CACNB2: variants seen among roughly 807,000 people sequenced by gnomAD.
CACNB2 encodes the protein calcium voltage-gated channel auxiliary subunit beta 2.
In CACNB2, 42 loss-of-function variants were observed where a neutral mutation model predicts 73.3. The ratio of observed to expected loss-of-function variants is 0.57; its 90% confidence interval spans 0.45 to 0.74. The LOEUF (loss-of-function observed/expected upper bound fraction) is 0.74. Among genes scored for constraint, CACNB2 ranks in the 30% least tolerant of loss-of-function variants. The pLI is 0.00. For missense variants in CACNB2, 940 were observed against 853.0 expected (o/e 1.10, Z -1.27); for synonymous variants, 348 against 310.3 (o/e 1.12, Z -1.28).
At chr10:18,511,977 G>C (rs749573012) in intron 6 of CACNB2, among the ~76,000 whole-genome samples, 7 of 152,134 alleles carry the variant, frequency 4.6e-5, no homozygotes, top group African/African-American at 1.4e-4. Context: ...TTAAAAATAA[G>C]AGCCTTGAAG....
At chr10:18,445,162 A>AT (rs1019325422) in intron 3 of CACNB2, among the ~76,000 whole-genome samples, 57 of 152,074 alleles carry the variant, frequency 3.7e-4, no homozygotes, top group African/African-American at 8.7e-4. Context: ...TTATTCTGTT[A>AT]TTTTTTCAGT....
At chr10:18,241,577 G>C (rs1321403027) in intron 2 of CACNB2, among the ~76,000 whole-genome samples, 1 of 150,684 alleles carries the variant, frequency 6.6e-6, no homozygotes, top group Non-Finnish European at 1.5e-5. Context: ...AGAACTTGAA[G>C]TATATTAAAA....
intron 3 of CACNB2, among the ~76,000 whole-genome samples, chr10:18,417,181 G>A (rs1346050743): frequency 2.8e-5 from 3 of 107,268 alleles, no homozygotes; most frequent in Non-Finnish European, 5.5e-5. Flanking sequence ...GATTTTAAAA[G>A]TATAAACATC....
At chr10:18,532,977 A>G (rs1319178239) in intron 10 of CACNB2, 1 of 152,144 alleles carries the variant, frequency 6.6e-6, no homozygotes, top group Non-Finnish European at 1.5e-5. Context: ...CTAGGTAAAA[A>G]AAAAAGGACT....
At chr10:18,531,390 G>A (rs187758961) in intron 10 of CACNB2, among the ~76,000 whole-genome samples, 51 of 152,094 alleles carry the variant, frequency 3.4e-4, no homozygotes, top group African/African-American at 1.2e-3. Flanking sequence ...TATGTACCTT[G>A]TTTTCTTTAT....
At chr10:18,488,010 T>C (rs536409117) in intron 3 of CACNB2, among the ~76,000 whole-genome samples, 3 of 150,962 alleles carry the variant, frequency 2.0e-5, no homozygotes, top group African/African-American at 7.3e-5. Flanking sequence ...GGTTTCACCA[T>C]GTTGCACTGG....
intron 10 of CACNB2, among the ~76,000 whole-genome samples, chr10:18,530,515 A>C (rs1195149326): frequency 1.5e-5 from 1 of 66,196 alleles, no homozygotes. Flanking sequence ...CAAAAATGCA[A>C]AAAAAAAAAA....
chr10:18,470,469 G>A (rs1024785982), intron 3 of CACNB2, among the ~76,000 whole-genome samples: 1 of 150,254 alleles, frequency 6.7e-6, no homozygotes, highest in African/African-American at 2.4e-5. Context: ...CTGATATACT[G>A]TATTGTATAT....
At chr10:18,309,497 C>T (rs537055836) in intron 2 of CACNB2, among the ~76,000 whole-genome samples, 10 of 152,178 alleles carry the variant, frequency 6.6e-5, no homozygotes, top group African/African-American at 1.7e-4. Context: ...CTCGCTCTGT[C>T]GCCAGGCTGG....
At chr10:18,279,672 C>T (rs2131690250) in intron 2 of CACNB2, among the ~76,000 whole-genome samples, 1 of 152,292 alleles carries the variant, frequency 6.6e-6, no homozygotes, top group East Asian at 1.9e-4. Context: ...GTATCATGAC[C>T]TATTGACAAA....
At chr10:18,240,870 G>A (rs2036623512) in intron 2 of CACNB2, among the ~76,000 whole-genome samples, 1 of 152,026 alleles carries the variant, frequency 6.6e-6, no homozygotes, top group South Asian at 2.1e-4. Context: ...CCTCCACTCT[G>A]CCCTCTCTCG....
chr10:18,220,239 A>AGGGGGGGG (rs1291259522), intron 2 of CACNB2, among the ~76,000 whole-genome samples: 3 of 69,436 alleles, frequency 4.3e-5, no homozygotes, highest in African/African-American at 2.7e-4. Flanking sequence ...ATATAGAGAG[A>AGGGGGGGG]GAGAGAGAGA....
chr10:18,416,173 T>C (rs1205969048), intron 3 of CACNB2, among the ~76,000 whole-genome samples: 1 of 152,038 alleles, frequency 6.6e-6, no homozygotes, highest in Non-Finnish European at 1.5e-5. Flanking sequence ...CCCTTTTCAG[T>C]CTGTTATTTT....
chr10:18,286,629 C>A (rs1238220262), intron 2 of CACNB2, among the ~76,000 whole-genome samples: 4 of 148,940 alleles, frequency 2.7e-5, no homozygotes. Flanking sequence ...TATGCATTTT[C>A]CATGTAAATT....
intron 2 of CACNB2, among the ~76,000 whole-genome samples, chr10:18,189,137 T>A (rs78864692): frequency 0.059 from 8,969 of 152,246 alleles, 343 homozygotes; most frequent in East Asian, 0.23. Context: ...ACAGATTGTT[T>A]GTTTTTTTAA....
At chr10:18,223,991 A>ATTTTT (rs11310932) in intron 2 of CACNB2, among the ~76,000 whole-genome samples, 5,461 of 146,926 alleles carry the variant, frequency 0.037, 130 homozygotes, top group African/African-American at 0.065. Flanking sequence ...TAAGGGGTCT[A>ATTTTT]TTTTTTTTTT....
At chr10:18,310,880 G>A (rs546677022) in intron 2 of CACNB2, among the ~76,000 whole-genome samples, 51 of 152,072 alleles carry the variant, frequency 3.4e-4, no homozygotes, top group Admixed American at 1.3e-3. Context: ...ACTGTGCCCG[G>A]ACTGTTTTCT....
At chr10:18,194,360 C>T (rs1047583021) in intron 2 of CACNB2, among the ~76,000 whole-genome samples, 3 of 152,262 alleles carry the variant, frequency 2.0e-5, no homozygotes, top group Non-Finnish European at 2.9e-5. Flanking sequence ...CAAATCTTCC[C>T]AATTTACCTG....
intron 2 of CACNB2, among the ~76,000 whole-genome samples, chr10:18,203,646 T>C (rs368378483): frequency 6.6e-6 from 1 of 152,202 alleles, no homozygotes; most frequent in East Asian, 1.9e-4. Flanking sequence ...GGGCGAGTGA[T>C]CGTTGATTAT....
Sources: gnomAD v4.1 joint callset for allele counts (sites outside exome capture counted in the v4.1 genomes callset) on GRCh38, gnomAD v4.1.1 for gene constraint, MANE v1.5 for transcripts, NCBI Gene and HGNC (gene_info 2026-07-23, HGNC 2026-07-21) for gene names.